SORL1: variants seen among roughly 807,000 people sequenced by gnomAD.
The protein encoded by SORL1 is sortilin-related receptor.
SORL1 carries 127 observed loss-of-function variants against 273.7 expected under a neutral mutation model. That is an observed-to-expected ratio of 0.46 (90% CI 0.40 to 0.54). The LOEUF is 0.54. SORL1 is among the 20% of genes least tolerant of loss of function. The pLI, the probability that SORL1 is intolerant of heterozygous loss-of-function variation, is 0.00. For synonymous variants in SORL1, 1,031 were observed against 1,067.4 expected, an observed-to-expected ratio of 0.97 and a Z score of 0.66; for missense variants, 2,494 against 2,846.1, an observed-to-expected ratio of 0.88 and a Z score of 2.81.
At position 121,496,856 on chromosome 11, in the gene SORL1, T is replaced by A. The variant is rs750306844; in HGVS notation, c.759-13T>A. 6.4e-7 allele frequency: 1 copy of A among 1,574,622 alleles called. No homozygotes were observed. Reference sequence around the variant, plus strand: ...GTGCAAATGATAACAACCTTTTTTTTTTTTTCTGCCAGGGGAATTGATCCC... The same window carrying A: ...GTGCAAATGATAACAACCTTTTTTTATTTTTCTGCCAGGGGAATTGATCCC... On this transcript the variant is annotated splice_polypyrimidine_tract_variant and intron_variant, in intron 5 of 47. Transcript: ENST00000260197.
At chr11:121,467,323 G>A (rs2134778272) in intron 1 of SORL1, among the ~76,000 whole-genome samples, 1 of 152,238 alleles carries the variant, frequency 6.6e-6, no homozygotes, top group Middle Eastern at 3.4e-3. Context: ...CACCTGCCTT[G>A]GGATTGGTGA....
At chr11:121,590,521 C>T in intron 30 of SORL1, 3 of 517,606 alleles carry the variant, frequency 5.8e-6, no homozygotes, top group South Asian at 4.5e-5. Flanking sequence ...AATCTGCATG[C>T]TAATAAGCCC....
chr11:121,490,282 A>G (rs185622276), intron 5 of SORL1, among the ~76,000 whole-genome samples, 172 bp downstream of exon 5: 1 of 152,166 alleles, frequency 6.6e-6, no homozygotes, highest in East Asian at 1.9e-4. Flanking sequence ...ACTGTGGGAG[A>G]GAGTTGGGGG....
intron 11 of SORL1, among the ~76,000 whole-genome samples, chr11:121,528,030 G>A (rs546484782): frequency 2.6e-5 from 4 of 151,720 alleles, no homozygotes; most frequent in Admixed American, 2.0e-4. Context: ...ATATAACCTT[G>A]GGTTATTGAT....
chr11:121,542,000 A>G (rs775647111), intron 12 of SORL1, among the ~76,000 whole-genome samples: 18 of 152,236 alleles, frequency 1.2e-4, no homozygotes, highest in Non-Finnish European at 2.1e-4. Context: ...ACGAACACCC[A>G]TGAAACCTTC....
At position 121,570,282 on chromosome 11, in the gene SORL1, G is replaced by A. The variant is rs1040376964; in HGVS notation, c.3337+12G>A. On this transcript the variant is annotated intron_variant, in intron 23 of 47. Coordinates refer to ENST00000260197, the MANE Select transcript of SORL1 (RefSeq NM_003105.6). The stretch of plus-strand genomic sequence containing the variant: ...TGAGAGAAACTGCCGTGAGTCTTCT[G>A]GATTGGACGTTAAGCACTTACCATT... 5 of 1,593,210 alleles carry A rather than the reference G, an allele frequency of 3.1e-6. No homozygotes were observed. Among genetic ancestry groups the A allele is most frequent in the Admixed American group, 1.7e-5 (1 of 59,954 alleles).
intron 18 of SORL1, chr11:121,557,033 T>C (rs1862597411): frequency 4.7e-6 from 2 of 428,636 alleles, no homozygotes; most frequent in African/African-American, 3.9e-5. Context: ...GTAATTTACT[T>C]ATTGATACTG....
At chr11:121,462,315 C>G (rs539590458) in intron 1 of SORL1, among the ~76,000 whole-genome samples, 1 of 152,296 alleles carries the variant, frequency 6.6e-6, no homozygotes, top group Non-Finnish European at 1.5e-5. Context: ...CTTCTCCTTC[C>G]TGGCTTCTGC....
At chr11:121,486,824 G>T (rs546363198) in intron 3 of SORL1, among the ~76,000 whole-genome samples, 12 of 152,246 alleles carry the variant, frequency 7.9e-5, no homozygotes, top group African/African-American at 2.6e-4. Flanking sequence ...AGCTGGTTGT[G>T]ATGGCACACA....
In SORL1 at chr11:121,629,927, G is replaced by A; in HGVS notation, c.*364G>A. 1 of 230,660 alleles carries A rather than the reference G, an allele frequency of 4.3e-6. No individual in the cohort carries two copies. The highest frequency in any genetic ancestry group is 5.1e-5 in the Admixed American group (1 of 19,446). The allele number at this position is 230,660 out of a possible 1,614,324, so 14.3% of individuals were successfully genotyped here. ...TGTATTTAATAAAAACCTCGAGAGA[G>A]TGATGGGTGGAACCCCTTCTCCTTG... On this transcript the variant is annotated 3_prime_UTR_variant, in exon 48 of 48. Coordinates refer to ENST00000260197, the MANE Select transcript of SORL1 (RefSeq NM_003105.6).
At chr11:121,622,083 ATC>A in intron 44 of SORL1, 77 bp from the exon 45 acceptor site, 1 of 823,536 alleles carries the variant, frequency 1.2e-6, no homozygotes, top group Non-Finnish European at 2.0e-6. Context: ...GCATTATTTA[ATC>A]TCTCTTTGAT....
In SORL1 at chr11:121,573,038, C is replaced by T. The variant is rs190131215; in HGVS notation, c.3338-1203C>T. Among the ~76,000 whole-genome samples the T allele has an allele frequency of 9.2e-4, 140 of 152,312 alleles. 1 individual carries two copies. Among genetic ancestry groups the T allele is most frequent in the African/African-American group, 3.3e-3 (136 of 41,562 alleles). On this transcript the variant is annotated intron_variant, in intron 23 of 47. Transcript: ENST00000260197. ...TCCTGAGAGCAGCCTGCCTTCCCCT[C>T]GCCTTTCCTGGAGGGTGTTTCACGG... is the stretch of plus-strand genomic sequence containing the variant.
At chr11:121,566,844 G>T in intron 21 of SORL1, 96 bp from the exon 22 acceptor site, 1 of 1,200,328 alleles carries the variant, frequency 8.3e-7, no homozygotes, top group South Asian at 1.5e-5. Context: ...TGTCCTTTCC[G>T]TAAGACGAGG....
At chr11:121,464,660 G>T (rs1349384177) in intron 1 of SORL1, among the ~76,000 whole-genome samples, 1 of 152,234 alleles carries the variant, frequency 6.6e-6, no homozygotes, top group Non-Finnish European at 1.5e-5. Context: ...GGGTGATATG[G>T]ACTTGTTCGA....
At chr11:121,506,052 C>T (rs1381617455) in intron 6 of SORL1, among the ~76,000 whole-genome samples, 1 of 152,134 alleles carries the variant, frequency 6.6e-6, no homozygotes, top group Non-Finnish European at 1.5e-5. Flanking sequence ...CTGTTGAAAT[C>T]TTTAAGTATT....
chr11:121,593,086 AG>A (rs1863240779), intron 31 of SORL1, among the ~76,000 whole-genome samples: 1 of 152,190 alleles, frequency 6.6e-6, no homozygotes, highest in Admixed American at 6.5e-5. Flanking sequence ...TCTTCTGATA[AG>A]GCCCATACTG....
intron 8 of SORL1, among the ~76,000 whole-genome samples, chr11:121,520,192 G>T (rs372972802): frequency 3.5e-4 from 53 of 152,352 alleles, no homozygotes; most frequent in African/African-American, 1.1e-3. Flanking sequence ...GAGTCTGGGA[G>T]GTTGAGGCTG....
At chr11:121,590,531 C>T (rs185575592) in intron 30 of SORL1, 6 of 527,314 alleles carry the variant, frequency 1.1e-5, no homozygotes, top group East Asian at 3.4e-5. Context: ...CTAATAAGCC[C>T]CCAGGTCCTG....
At chr11:121,494,780 A>G (rs570352052) in intron 5 of SORL1, among the ~76,000 whole-genome samples, 1 of 152,302 alleles carries the variant, frequency 6.6e-6, no homozygotes, top group South Asian at 2.1e-4. Flanking sequence ...AAGGAATAAT[A>G]GAGGTGAGCT....
Sources: allele counts gnomAD v4.1 joint callset (sites outside exome capture counted in the v4.1 genomes callset), GRCh38; gene constraint gnomAD v4.1.1; transcripts MANE v1.5; gene names NCBI Gene and HGNC (gene_info 2026-07-23, HGNC 2026-07-21).